The following TNRC6C variants were observed in gnomAD, a reference collection of about 807,000 sequenced individuals.
TNRC6C encodes the protein trinucleotide repeat-containing gene 6C protein.
In TNRC6C, 20 loss-of-function variants were observed where a neutral mutation model predicts 153.7. The observed-to-expected ratio is 0.13, with a 90% confidence interval of 0.09 to 0.19. TNRC6C has a LOEUF of 0.19. Ranked by LOEUF, TNRC6C falls within the 10% of genes least tolerant of loss-of-function variation. The probability of loss-of-function intolerance (pLI) is 1.00; values close to 1 mark genes in which losing one functional copy is unlikely to be tolerated. For synonymous variants in TNRC6C, 811 were observed against 841.4 expected (o/e 0.96, Z 0.63); for missense variants, 1,987 against 2,172.0 (o/e 0.91, Z 1.69).
intron 17 of TNRC6C, among the ~76,000 whole-genome samples, chr17:78,100,437 C>T (rs148757431): frequency 8.7e-4 from 132 of 152,380 alleles, no homozygotes; most frequent in African/African-American, 2.2e-3. Context: ...CTCAACACCA[C>T]GTGGAAGCTG....
At chr17:78,038,390 G>T (rs569840578) in intron 2 of TNRC6C, among the ~76,000 whole-genome samples, 46 of 152,190 alleles carry the variant, frequency 3.0e-4, no homozygotes, top group Admixed American at 2.6e-3. Context: ...GTATTCCCTT[G>T]TGGCTGGGTG....
exon 3 of TNRC6C, chr17:78,050,650 G>A: frequency 6.4e-7 from 1 of 1,563,150 alleles, no homozygotes; most frequent in Admixed American, 1.8e-5. Context: ...CAACAACAAA[G>A]CGCCAAGTGG....
chr17:78,075,010 C>T lies in TNRC6C; in HGVS notation c.2918-126C>T. The T allele has an allele frequency of 1.6e-6, 2 of 1,259,608 alleles. No homozygotes were observed. Among genetic ancestry groups the T allele is most frequent in the South Asian group, 3.0e-5 (2 of 67,722 alleles). 78.0% of individuals were successfully genotyped at this position (1,259,608 alleles called of 1,614,324 possible). On this transcript the variant is annotated intron_variant, in intron 7 of 19. Coordinates refer to ENST00000301624, the Ensembl canonical transcript of TNRC6C. The surrounding 1 kb of genome is among the most constrained non-coding windows in gnomAD (Gnocchi z 4.2). ...AGCAAAGCAAGGGCTCTCTCTGCCC[C>T]TGGCTTCCCTGTGTTTGAAGGGGTG...
chr17:77,989,828 C>G (rs963897828), intron 1 of TNRC6C, among the ~76,000 whole-genome samples: 4 of 152,142 alleles, frequency 2.6e-5, no homozygotes, highest in African/African-American at 9.7e-5. Context: ...CCTTAAGCCC[C>G]CATCTCAGGC....
exon 3 of TNRC6C, chr17:78,048,965 A>T (rs2072463172): frequency 7.2e-7 from 1 of 1,381,012 alleles, no homozygotes. Context: ...ACTGACAAGG[A>T]GGCGTGGCCT....
chr17:77,972,028 C>G (rs1037631013), intron 1 of TNRC6C, among the ~76,000 whole-genome samples: 1 of 151,942 alleles, frequency 6.6e-6, no homozygotes, highest in African/African-American at 2.4e-5. Flanking sequence ...AGAGAACAAA[C>G]TAAACCGATG....
Position 78,079,259 on chromosome 17 carries a change from T to C in TNRC6C, c.3211-136T>C. Reference sequence around the variant, plus strand: ...ACAAGACTCTGTCTCAAAAAAATTCTCTTGGGTACAAGTTGACAGTGGTAG... The same window carrying C: ...ACAAGACTCTGTCTCAAAAAAATTCCCTTGGGTACAAGTTGACAGTGGTAG... On this transcript the variant is annotated intron_variant, in intron 9 of 19. Coordinates refer to ENST00000301624, the Ensembl canonical transcript of TNRC6C. The surrounding 1 kb of genome is among the most constrained non-coding windows in gnomAD (Gnocchi z 4.3). 1.5e-6 allele frequency: 2 copies of C among 1,323,224 alleles called. No homozygotes were observed. Among genetic ancestry groups the C allele is most frequent in the South Asian group, 1.4e-5 (1 of 70,394 alleles). 82.0% of individuals were successfully genotyped at this position (1,323,224 alleles called of 1,614,324 possible).
At chr17:78,028,891 CAAG>C (rs1235872922) in intron 1 of TNRC6C, among the ~76,000 whole-genome samples, 2 of 152,090 alleles carry the variant, frequency 1.3e-5, no homozygotes, top group Non-Finnish European at 2.9e-5. Flanking sequence ...GTTTTGTGTA[CAAG>C]ATGAGGTGGG....
upstream of TNRC6C, chr17:78,004,131 G>A: frequency 8.1e-7 from 1 of 1,231,302 alleles, no homozygotes; most frequent in Non-Finnish European, 1.0e-6. Context: ...GACTTAACAT[G>A]ATCATCAAAC....
At chr17:78,086,642 A>G (rs2073296276) in intron 12 of TNRC6C, 56 bp downstream of exon 14, 1 of 1,572,618 alleles carries the variant, frequency 6.4e-7, no homozygotes, top group African/African-American at 1.3e-5. Flanking sequence ...CTGATAGAAG[A>G]GACGCTAATT....
At position 78,050,258 on chromosome 17, in the gene TNRC6C, G is replaced by A. The variant is rs372596080; in HGVS notation, c.1196G>A (p.Ser399Asn). The A allele has an allele frequency of 2.4e-5, 37 of 1,543,792 alleles. No homozygotes were observed. The African/African-American group carries it at 4.4e-4, about 18-fold the overall frequency. The change falls in exon 3 of 20, where the codon AGT (serine) becomes AAT (asparagine). Residue 399 changes from serine to asparagine, a missense_variant. Ser to Asn is a conservative substitution (Grantham distance 46). Transcript: ENST00000301624. Reference sequence around the variant, plus strand: ...TCTGGAACTACAGCAAGTGAAGGAAGTAGTGATGGTTCTGGCAACCACAAT... The same window carrying A: ...TCTGGAACTACAGCAAGTGAAGGAAATAGTGATGGTTCTGGCAACCACAAT...
intron 1 of TNRC6C, among the ~76,000 whole-genome samples, chr17:78,030,908 G>A (rs1458913983): frequency 1.3e-5 from 2 of 152,204 alleles, no homozygotes; most frequent in East Asian, 3.9e-4. Context: ...AGACCAGCCT[G>A]GCCAACATGG....
intron 4 of TNRC6C, chr17:78,066,858 G>A (rs1298812276): frequency 6.6e-6 from 1 of 152,194 alleles, no homozygotes; most frequent in Non-Finnish European, 1.5e-5. Flanking sequence ...CCAGCTGACT[G>A]TCACGAGTGG....
intron 11 of TNRC6C, among the ~76,000 whole-genome samples, chr17:78,083,739 C>T (rs931564087): frequency 2.0e-5 from 3 of 152,160 alleles, no homozygotes; most frequent in Admixed American, 6.5e-5. Flanking sequence ...ACTTAATTCT[C>T]TCATGAAACC....
chr17:77,980,909 C>G (rs943370728), intron 1 of TNRC6C, among the ~76,000 whole-genome samples: 1 of 152,192 alleles, frequency 6.6e-6, no homozygotes, highest in Non-Finnish European at 1.5e-5. Context: ...CCTGGCATCT[C>G]CATTTGCTCG....
chr17:78,104,491 C>A lies in TNRC6C; in HGVS notation c.4719C>A (p.Val1573=). 1 of 1,502,930 alleles carries A rather than the reference C, an allele frequency of 6.7e-7. No individual in the cohort carries two copies. Among genetic ancestry groups the A allele is most frequent in the South Asian group, 1.3e-5 (1 of 75,618 alleles). The allele number at this position is 1,502,930 out of a possible 1,614,324, so 93.1% of individuals were successfully genotyped here. Residue 1573 remains valine (V), a synonymous_variant, in exon 20 of 20, where the codon GTC becomes GTA. Coordinates refer to ENST00000301624, the Ensembl canonical transcript of TNRC6C. This position sits in a 1 kb window ranked among gnomAD's most constrained non-coding sequence, Gnocchi z 6.2. ...CCCCATCTTGCTGTTGCAGGTGCGTCCTGGGAAACACTACCATCCTGGCCG... is the reference window on the plus strand; with the variant it reads ...CCCCATCTTGCTGTTGCAGGTGCGTACTGGGAAACACTACCATCCTGGCCG...
At chr17:77,997,062 A>T (rs1331839321) in intron 1 of TNRC6C, among the ~76,000 whole-genome samples, 1 of 152,206 alleles carries the variant, frequency 6.6e-6, no homozygotes, top group African/African-American at 2.4e-5. Context: ...AGGAGGTGGA[A>T]TACCTGTGTC....
chr17:78,006,610 C>CTTCTTCTTCT (rs2071518419), intron 1 of TNRC6C, among the ~76,000 whole-genome samples: 2 of 139,532 alleles, frequency 1.4e-5, no homozygotes, highest in African/African-American at 2.8e-5. Flanking sequence ...CTCCTTCTTC[C>CTTCTTCTTCT]TTCTTCTTCT....
intron 1 of TNRC6C, among the ~76,000 whole-genome samples, chr17:77,969,314 A>G (rs1296474718): frequency 2.0e-5 from 3 of 151,926 alleles, no homozygotes; most frequent in African/African-American, 7.3e-5. Context: ...CAGTGGCGCA[A>G]TCTCGGCTCA....
Sources: gnomAD v4.1 joint callset for allele counts (sites outside exome capture counted in the v4.1 genomes callset) on GRCh38, gnomAD v4.1.1 for gene constraint, Gnocchi (gnomAD v3.1) non-coding constraint, MANE v1.5 for transcripts, NCBI Gene and HGNC (gene_info 2026-07-23, HGNC 2026-07-21) for gene names.